The following DIRAS3 variants were observed in gnomAD, a reference collection of about 807,000 sequenced individuals.
DIRAS3 encodes the protein DIRAS family GTPase 3, also known as GTP-binding protein Di-Ras3.
For missense variants in DIRAS3, 248 were observed against 300.6 expected (o/e 0.83, Z 1.29); for synonymous variants, 133 against 131.4 (o/e 1.01, Z -0.08).
rs1345970084 is a variant in DIRAS3, at chr1:68,046,630, A to G, written c.668T>C (p.Leu223Pro). The change falls in exon 2 of 2, where the codon CTT becomes CCT. Residue 223 changes from leucine (L) to proline (P), a missense_variant. Transcript: ENST00000646789. ...GGCTCACATGATTATGCACTTGTCA[A>G]GCAGCTTCTCAGTGGTGTTGGGCAT... ...SQMPNTTEKL[L>P]DKCIIM 2 of 1,613,910 alleles carry G rather than the reference A, an allele frequency of 1.2e-6. No homozygotes were observed. Among genetic ancestry groups the G allele is most frequent in the African/African-American group, 2.7e-5 (2 of 74,888 alleles).
chr1:68,046,962 G>A lies in DIRAS3; in HGVS notation c.336C>T (p.Phe112=), dbSNP rs78046658. The A allele has an allele frequency of 5.0e-6, 8 of 1,614,202 alleles. No homozygotes were observed. The highest frequency in any genetic ancestry group is 3.3e-5 in the Admixed American group (2 of 60,034). The stretch of plus-strand genomic sequence containing the variant: ...TCTTGGTGACTGAGTAGACCAGGAC[G>A]AAGGCGTGGCCCCGGGCTATAACGT... ...QRHVIARGHA[F]VLVYSVTKKE... is the part of the protein sequence containing the mutation. The change falls in exon 2 of 2, where the codon TTC becomes TTT. Residue 112 remains phenylalanine, a synonymous_variant. Transcript: ENST00000646789.
intron 1 of DIRAS3, chr1:68,049,218 G>C (rs1048280364): frequency 6.6e-6 from 1 of 152,038 alleles, no homozygotes; most frequent in Non-Finnish European, 1.5e-5. Context: ...AGGGGGCCAG[G>C]GAGGTTAATA....
intron 1 of DIRAS3, among the ~76,000 whole-genome samples, chr1:68,048,582 T>C (rs914769433): frequency 3.0e-4 from 45 of 152,188 alleles, no homozygotes; most frequent in African/African-American, 1.1e-3. Context: ...AGAGGCTTTT[T>C]GTGAATAGCA....
In DIRAS3 at chr1:68,046,528, T is replaced by G. The variant is rs1645674220; in HGVS notation, c.*80A>C. On this transcript the variant is annotated 3_prime_UTR_variant, in exon 2 of 2. Transcript: ENST00000646789. ...CCAAACAACAGCACAAAATCAACCA[T>G]GTACATGTAACATAGTGAAATGAGT... 1.5e-6 allele frequency: 2 copies of G among 1,330,894 alleles called. No individual in the cohort carries two copies. Among genetic ancestry groups the G allele is most frequent in the Non-Finnish European group, 2.1e-6 (2 of 958,438 alleles). The allele number at this position is 1,330,894 out of a possible 1,614,324, so 82.4% of individuals were successfully genotyped here.
chr1:68,048,339 C>G (rs888266345), intron 1 of DIRAS3, among the ~76,000 whole-genome samples: 3 of 151,812 alleles, frequency 2.0e-5, no homozygotes, highest in African/African-American at 7.3e-5. Context: ...AGACAGCTGC[C>G]CAGGGGGACT....
chr1:68,048,753 T>G (rs1570740429), intron 1 of DIRAS3, among the ~76,000 whole-genome samples: 3 of 149,998 alleles, frequency 2.0e-5, no homozygotes, highest in African/African-American at 2.5e-5. Flanking sequence ...TTGTTTTTTT[T>G]TTTTGAGTCA....
rs1557689117 is a variant in DIRAS3 at position 68,047,219 on chromosome 1, G to C, written c.79C>G (p.Arg27Gly). ...ATCTTCCTGTGGGGCTTGAAGGCGC[G>C]GAGGATAAGCAGGGCGGGCAGAAGC... is the stretch of plus-strand genomic sequence containing the variant. ...LRLLPALLIL[R>G]AFKPHRKIRD... The change falls in exon 2 of 2, where the codon CGC becomes GGC. Residue 27 changes from arginine to glycine, a missense_variant. Transcript: ENST00000646789. 3.1e-6 allele frequency: 5 copies of C among 1,613,914 alleles called. No individual in the cohort carries two copies. The African/African-American group carries it at 4.0e-5, about 13-fold the overall frequency.
chr1:68,049,960 A>ACCCCCCCC (rs576801046), intron 1 of DIRAS3, among the ~76,000 whole-genome samples: 1 of 106,032 alleles, frequency 9.4e-6, no homozygotes, highest in African/African-American at 4.1e-5. Flanking sequence ...CAGGCAGTGG[A>ACCCCCCCC]CCCCCCCCCC....
At position 68,047,277 on chromosome 1, in the gene DIRAS3, G is replaced by T. The variant is rs564142623; in HGVS notation, c.21C>A (p.Gly7=). 12 of 1,613,432 alleles carry T rather than the reference G, an allele frequency of 7.4e-6. No homozygotes were observed. In the African/African-American group the frequency reaches 1.6e-4, roughly 21 times the overall value. The part of the protein sequence containing the change: MGNASF[G]SKEQKLLKRL... Reference sequence around the variant, plus strand: ...GCTTCAGCAGCTTCTGTTCCTTGGAGCCAAAGCTGGCGTTACCCATCGTTG... The same window carrying T: ...GCTTCAGCAGCTTCTGTTCCTTGGATCCAAAGCTGGCGTTACCCATCGTTG... Residue 7 remains glycine (G), a synonymous_variant, in exon 2 of 2, where the codon GGC becomes GGA. Transcript: ENST00000646789.
At chr1:68,048,319 C>A (rs1226362092) in intron 1 of DIRAS3, among the ~76,000 whole-genome samples, 1 of 151,860 alleles carries the variant, frequency 6.6e-6, no homozygotes, top group African/African-American at 2.4e-5. Context: ...ACAGGTATAT[C>A]CTAAATACCA....
At chr1:68,048,035 AAAAAAAAAAAAAAAATATATATAT>A (rs1645691763) in intron 1 of DIRAS3, among the ~76,000 whole-genome samples, 1 of 59,164 alleles carries the variant, frequency 1.7e-5, no homozygotes, top group African/African-American at 7.8e-5. Flanking sequence ...AAAAAAAAAA[AAAAAAAAAAAAAAAATATATATAT>A]ATATATATAT....
rs543429840 is a variant in DIRAS3, at chr1:68,049,969, C to G, written c.-66+579G>C. Among the ~76,000 whole-genome samples the G allele has an allele frequency of 8.1e-5, 12 of 147,658 alleles. No homozygotes were observed. In the South Asian group the frequency reaches 1.9e-3, roughly 23 times the overall value. On this transcript the variant is annotated intron_variant, in intron 1 of 1. Transcript: ENST00000646789. ...CATTCTCAGGCAGTGGACCCCCCCC[C>G]CCACTCCCCTCCACACTCCTTCCAC...
intron 1 of DIRAS3, among the ~76,000 whole-genome samples, chr1:68,048,800 T>TGCGATCATGACTCACTGCAGCCTC (rs1645705137): frequency 6.7e-6 from 1 of 149,962 alleles, no homozygotes; most frequent in African/African-American, 2.4e-5. Context: ...AGTGCAGTCA[T>TGCGATCATGACTCACTGCAGCCTC]GCGATCATGA....
At chr1:68,047,772 A>AT (rs2100327819) in intron 1 of DIRAS3, among the ~76,000 whole-genome samples, 2 of 151,818 alleles carry the variant, frequency 1.3e-5, no homozygotes, top group South Asian at 4.2e-4. Flanking sequence ...ATGGGGCTGA[A>AT]TGCCAAGGTG....
chr1:68,048,037 AAAAAAAAAAAAAATATATATATATATAT>A (rs1400112977), intron 1 of DIRAS3, among the ~76,000 whole-genome samples: 6 of 60,452 alleles, frequency 9.9e-5, no homozygotes, highest in African/African-American at 4.7e-4. Flanking sequence ...AAAAAAAAAA[AAAAAAAAAAAAAATATATATATATATAT>A]ATATATATAT....
At position 68,047,370 on chromosome 1, in the gene DIRAS3, G is replaced by A; in HGVS notation, c.-65-8C>T. ...GCTGGCAGCAGGAGACCCCTAGGAA[G>A]AAAGTGAGACGGTGAGAGATGGTAG... On this transcript the variant is annotated splice_polypyrimidine_tract_variant and splice_region_variant and intron_variant, in intron 1 of 1. Coordinates refer to ENST00000646789, the MANE Select transcript of DIRAS3 (RefSeq NM_004675.5). The A allele has an allele frequency of 7.2e-7, 1 of 1,385,386 alleles. No homozygotes were observed. Among genetic ancestry groups the A allele is most frequent in the South Asian group, 1.3e-5 (1 of 75,404 alleles). 85.8% of individuals were successfully genotyped at this position (1,385,386 alleles called of 1,614,324 possible). A position where few individuals can be genotyped will look rare whatever the true frequency, so the allele number is the denominator to read the frequency against.
rs377137365 is a variant in DIRAS3, at chr1:68,048,745, GT to G, written c.-65-1384del. Among the ~76,000 whole-genome samples, 364 of 109,828 alleles carry G rather than the reference GT, an allele frequency of 3.3e-3. 3 individuals are homozygous for G. Among genetic ancestry groups the G allele is most frequent in the African/African-American group, 0.013 (300 of 22,594 alleles). The allele number at this position is 109,828 out of a possible 152,430, so 72.1% of individuals were successfully genotyped here. A position where few individuals can be genotyped will look rare whatever the true frequency, so the allele number is the denominator to read the frequency against. ...TTTTGGTGGTGGTTTTTTTTTTTTT[GT>G]TTTTTTTTTTTGAGTCAGGGTCTTG... On this transcript the variant is annotated intron_variant, in intron 1 of 1. Transcript: ENST00000646789.
In DIRAS3 at chr1:68,046,698, TTTCTTGTAA is replaced by T. The variant is rs1557688627; in HGVS notation, c.591_599del (p.Asn197_Lys199del). The T allele has an allele frequency of 6.2e-7, 1 of 1,614,066 alleles. No homozygotes were observed. The highest frequency in any genetic ancestry group is 8.5e-7 in the Non-Finnish European group (1 of 1,180,010). On this transcript the variant is annotated inframe_deletion, in exon 2 of 2. Transcript: ENST00000646789. The stretch of plus-strand genomic sequence containing the variant: ...GCTCCTGGAGGCCGGTGGTGGGCTT[TTTCTTGTAA>T]TTCAGCAGCATGTGGAACAGCTCCT...
rs1469875231 is a variant in DIRAS3, at chr1:68,046,006, T to C, written c.*602A>G. The C allele has an allele frequency of 2.0e-5, 3 of 152,252 alleles. No individual in the cohort carries two copies. The highest frequency in any genetic ancestry group is 4.4e-5 in the Non-Finnish European group (3 of 68,076). The allele number at this position is 152,252 out of a possible 1,614,324, so 9.4% of individuals were successfully genotyped here. ...TATTAAGTCAATAAGCTGTTACACT[T>C]TTACAAACTGCTATGCAGAATACTC... On this transcript the variant is annotated 3_prime_UTR_variant, in exon 2 of 2. Coordinates refer to ENST00000646789, the MANE Select transcript of DIRAS3 (RefSeq NM_004675.5).
Sources: gnomAD v4.1 joint callset for allele counts (sites outside exome capture counted in the v4.1 genomes callset) on GRCh38, gnomAD v4.1.1 for gene constraint, MANE v1.5 for transcripts, NCBI Gene and HGNC (gene_info 2026-07-23, HGNC 2026-07-21) for gene names.